TLL2: variants seen among roughly 807,000 people sequenced by gnomAD.
TLL2 encodes tolloid like 2.
Under a neutral mutation model 123.0 loss-of-function variants are expected in TLL2, and 106 were observed. The observed-to-expected ratio is 0.86, with a 90% CI of 0.74 to 1.01. The LOEUF is 1.01. Ranked by LOEUF, TLL2 falls within the 50% of genes least tolerant of loss-of-function variation. The pLI is 0.00. For missense variants in TLL2, 1,332 were observed against 1,336.7 expected (o/e 1.00, Z 0.06); for synonymous variants, 494 against 516.8 (o/e 0.96, Z 0.60).
intron 2 of TLL2, among the ~76,000 whole-genome samples, chr10:96,460,810 A>G (rs1245285452): frequency 6.6e-6 from 1 of 152,192 alleles, no homozygotes; most frequent in Non-Finnish European, 1.5e-5. Flanking sequence ...AGACTAATAC[A>G]ATGCCCTTAT....
chr10:96,472,243 C>T (rs1397431872), intron 2 of TLL2, among the ~76,000 whole-genome samples: 1 of 152,154 alleles, frequency 6.6e-6, no homozygotes, highest in Non-Finnish European at 1.5e-5. Flanking sequence ...AGCAAGAGTC[C>T]AGCCTGACGT....
intron 1 of TLL2, among the ~76,000 whole-genome samples, chr10:96,493,114 C>T (rs959371699): frequency 1.3e-5 from 2 of 152,308 alleles, no homozygotes; most frequent in African/African-American, 2.4e-5. Flanking sequence ...AGGCTCCTCT[C>T]GCTCCTCTAG....
At position 96,367,824 on chromosome 10, in the gene TLL2, G is replaced by C; in HGVS notation, c.*264C>G. ...AAGAAGCATAGCCGGAATGGTCAGT[G>C]ACTTCAATCCTAATCTTTAACACTT... is the stretch of plus-strand genomic sequence containing the variant. On this transcript the variant is annotated 3_prime_UTR_variant, in exon 21 of 21. Coordinates refer to ENST00000357947, the MANE Select transcript of TLL2 (RefSeq NM_012465.4). 1 of 389,416 alleles carries C rather than the reference G, an allele frequency of 2.6e-6. No individual in the cohort carries two copies. Among genetic ancestry groups the C allele is most frequent in the Non-Finnish European group, 4.7e-6 (1 of 211,650 alleles). The allele number at this position is 389,416 out of a possible 1,614,324, so 24.1% of individuals were successfully genotyped here.
intron 1 of TLL2, 84 bp downstream of exon 1, chr10:96,513,427 T>C (rs1037728980): frequency 1.4e-5 from 22 of 1,558,910 alleles, no homozygotes; most frequent in African/African-American, 2.8e-5. Context: ...ACCCGCCCCA[T>C]AGACGGTAGT....
chr10:96,481,217 G>C (rs1341385530), intron 1 of TLL2, among the ~76,000 whole-genome samples: 1 of 151,898 alleles, frequency 6.6e-6, no homozygotes, highest in Non-Finnish European at 1.5e-5. Context: ...CACGATCATA[G>C]CTTACTGCAA....
At chr10:96,410,777 T>C (rs1056883673) in intron 8 of TLL2, 2 of 466,968 alleles carry the variant, frequency 4.3e-6, no homozygotes, top group East Asian at 5.0e-5. Flanking sequence ...CTAGACTTGC[T>C]GGACCTTAGT....
rs1449900435 is a variant in TLL2, at chr10:96,365,676, C to A, written c.*2412G>T. The A allele has an allele frequency of 6.6e-6, 1 of 152,238 alleles. No homozygotes were observed. 9.4% of individuals were successfully genotyped at this position (152,238 alleles called of 1,614,324 possible). ...CCTGGGACTTTCTGCTGAATGGACT[C>A]TCTCTAGTGAAGCCAGCCTCTAGTT... On this transcript the variant is annotated 3_prime_UTR_variant, in exon 21 of 21. Coordinates refer to ENST00000357947, the MANE Select transcript of TLL2 (RefSeq NM_012465.4).
At chr10:96,489,910 A>C (rs1228018382) in intron 1 of TLL2, among the ~76,000 whole-genome samples, 1 of 152,138 alleles carries the variant, frequency 6.6e-6, no homozygotes, top group East Asian at 1.9e-4. Flanking sequence ...CAGCCTGGCC[A>C]ACATGGTGAC....
chr10:96,419,452 C>T (rs774068354), intron 7 of TLL2, among the ~76,000 whole-genome samples: 2 of 152,162 alleles, frequency 1.3e-5, no homozygotes, highest in Non-Finnish European at 2.9e-5. Flanking sequence ...TGACTAGAAC[C>T]CGGCTTCTGC....
intron 7 of TLL2, among the ~76,000 whole-genome samples, chr10:96,417,434 T>C (rs747438656): frequency 1.1e-4 from 16 of 152,222 alleles, no homozygotes; most frequent in Admixed American, 2.0e-4. Context: ...TGGCAGATTG[T>C]TAAAATAAAA....
At chr10:96,486,112 G>C (rs1353529355) in intron 1 of TLL2, among the ~76,000 whole-genome samples, 2 of 152,140 alleles carry the variant, frequency 1.3e-5, no homozygotes, top group African/African-American at 4.8e-5. Context: ...CCCTTTGTTA[G>C]CCTGACACTT....
In TLL2 at chr10:96,395,860, C is replaced by A; in HGVS notation, c.1530+15G>T. 1 of 1,609,984 alleles carries A rather than the reference C, an allele frequency of 6.2e-7. No individual in the cohort carries two copies. The highest frequency in any genetic ancestry group is 8.5e-7 in the Non-Finnish European group (1 of 1,178,036). ...GTTGCCGTTTCCTTGGGAAGCCGGT[C>A]TGAGCAGCACTCACCTCAAAAGCTT... On this transcript the variant is annotated intron_variant, in intron 12 of 20. Transcript: ENST00000357947.
chr10:96,372,090 G>C (rs937963435), intron 19 of TLL2, among the ~76,000 whole-genome samples: 1 of 152,014 alleles, frequency 6.6e-6, no homozygotes, highest in Non-Finnish European at 1.5e-5. Flanking sequence ...ACTTCCTGCC[G>C]GGACCCTGAA....
chr10:96,389,620 T>C (rs1283591366), intron 13 of TLL2, among the ~76,000 whole-genome samples: 7 of 151,926 alleles, frequency 4.6e-5, no homozygotes, highest in East Asian at 1.9e-4. Flanking sequence ...AAAGAGCCCA[T>C]TGGGAGAGAC....
intron 15 of TLL2, among the ~76,000 whole-genome samples, chr10:96,385,185 C>T (rs77659996): frequency 0.035 from 5,255 of 152,208 alleles, 265 homozygotes; most frequent in African/African-American, 0.098. Context: ...CCGACAGAAT[C>T]TGACTCCATT....
At chr10:96,456,262 G>C (rs908730220) in intron 2 of TLL2, among the ~76,000 whole-genome samples, 1 of 152,168 alleles carries the variant, frequency 6.6e-6, no homozygotes, top group Admixed American at 6.5e-5. Context: ...TGCTCCCTGG[G>C]CAAGACAAAA....
chr10:96,513,809 G>T lies in TLL2; in HGVS notation c.-124C>A. The T allele has an allele frequency of 2.8e-6, 3 of 1,056,430 alleles. No homozygotes were observed. Among genetic ancestry groups the T allele is most frequent in the South Asian group, 2.0e-5 (1 of 49,760 alleles). 65.4% of individuals were successfully genotyped at this position (1,056,430 alleles called of 1,614,324 possible). A position where few individuals can be genotyped will look rare whatever the true frequency, so the allele number is the denominator to read the frequency against. The stretch of plus-strand genomic sequence containing the variant: ...CTCGGTGGTTACACAGGGCTGCTGG[G>T]CATGGCTCAGGCGCGGAGCAAGCGG... On this transcript the variant is annotated 5_prime_UTR_variant, in exon 1 of 21. Coordinates refer to ENST00000357947, the MANE Select transcript of TLL2 (RefSeq NM_012465.4).
At chr10:96,484,425 T>G (rs1306097004) in intron 1 of TLL2, among the ~76,000 whole-genome samples, 2 of 152,192 alleles carry the variant, frequency 1.3e-5, no homozygotes, top group African/African-American at 4.8e-5. Context: ...TTATAATGAT[T>G]GACACATACA....
intron 1 of TLL2, among the ~76,000 whole-genome samples, chr10:96,487,254 C>T (rs904615203): frequency 6.6e-6 from 1 of 152,128 alleles, no homozygotes; most frequent in Non-Finnish European, 1.5e-5. Flanking sequence ...TGGCCTGTGG[C>T]AAGCATGCAG....
Sources: allele counts gnomAD v4.1 joint callset (sites outside exome capture counted in the v4.1 genomes callset), GRCh38; gene constraint gnomAD v4.1.1; transcripts MANE v1.5; gene names NCBI Gene and HGNC (gene_info 2026-07-23, HGNC 2026-07-21).